The following TRIM32 variants were observed in gnomAD, a reference collection of about 807,000 sequenced individuals.
The protein encoded by TRIM32 is E3 ubiquitin-protein ligase TRIM32.
TRIM32 carries 19 observed loss-of-function variants against 36.0 expected under a neutral mutation model. The ratio of observed to expected loss-of-function variants is 0.53; its 90% CI spans 0.37 to 0.77. The LOEUF (loss-of-function observed/expected upper bound fraction) is 0.77, where lower values mean the gene tolerates loss of function less well. Ranked by LOEUF, TRIM32 falls within the 30% of genes least tolerant of loss-of-function variation. The pLI, the probability that TRIM32 is intolerant of heterozygous loss-of-function variation, is 0.00. For synonymous variants in TRIM32, 309 were observed against 318.5 expected (o/e 0.97, Z 0.32); for missense variants, 747 against 845.2 (o/e 0.88, Z 1.44).
In TRIM32 at chr9:116,687,364, G is replaced by A. The variant is rs1860301199; in HGVS notation, c.-99G>A. 1.6e-6 allele frequency: 1 copy of A among 644,092 alleles called. No homozygotes were observed. Among genetic ancestry groups the A allele is most frequent in the Non-Finnish European group, 1.9e-6 (1 of 518,768 alleles). The allele number at this position is 644,092 out of a possible 1,614,324, so 39.9% of individuals were successfully genotyped here. A position where few individuals can be genotyped will look rare whatever the true frequency, so the allele number is the denominator to read the frequency against. On this transcript the variant is annotated 5_prime_UTR_variant, in exon 1 of 2. Coordinates refer to ENST00000450136, the MANE Select transcript of TRIM32 (RefSeq NM_012210.4). Reference sequence around the variant, plus strand: ...GTGGGCTGCCGGCGGTGGACTCGTCGGAGCCGCGGGCGGTCAGGTAGGGGG... The same window carrying A: ...GTGGGCTGCCGGCGGTGGACTCGTCAGAGCCGCGGGCGGTCAGGTAGGGGG...
At chr9:116,689,195 CAAGTCCTAGCTCTATCTCTTCCTGACTTT>C (rs1421361336) in intron 1 of TRIM32, among the ~76,000 whole-genome samples, 6 of 152,306 alleles carry the variant, frequency 3.9e-5, no homozygotes, top group Admixed American at 6.5e-5. Flanking sequence ...ACCCTGGGTT[CAAGTCCTAGCTCTATCTCTTCCTGACTTT>C]AAGTCCTAGC....
Position 116,698,806 on chromosome 9 carries a change from G to A in TRIM32, c.1064G>A (p.Cys355Tyr). 1 of 1,614,178 alleles carries A rather than the reference G, an allele frequency of 6.2e-7. No individual in the cohort carries two copies. The highest frequency in any genetic ancestry group is 8.5e-7 in the Non-Finnish European group (1 of 1,180,038). The change falls in exon 2 of 2, where the codon TGC becomes TAC. Residue 355 changes from cysteine (C) to tyrosine (Y), a missense_variant. Transcript: ENST00000450136. This position sits in a 1 kb window ranked among gnomAD's most constrained non-coding sequence, Gnocchi z 4.4. ...GPEAASNIQQ[C>Y]LFLKKMGAKG... Reference sequence around the variant, plus strand: ...GAGGCAGCCTCCAATATCCAGCAGTGCCTCTTTCTCAAGAAGATGGGGGCC... The same window carrying A: ...GAGGCAGCCTCCAATATCCAGCAGTACCTCTTTCTCAAGAAGATGGGGGCC...
chr9:116,698,203 C>T lies in TRIM32; in HGVS notation c.461C>T (p.Thr154Ile), dbSNP rs781758209. The change falls in exon 2 of 2, where the codon ACT becomes ATT. Residue 154 changes from threonine to isoleucine, a missense_variant. Transcript: ENST00000450136. The surrounding 1 kb of genome is among the most constrained non-coding windows in gnomAD (Gnocchi z 4.4). ...CGTCGGGACTTTGGAGAGAAGTTAA[C>T]TCGTCTGCGGGAACTTATGGGGGAG... ...ERRRDFGEKL[T>I]RLRELMGELQ... The T allele has an allele frequency of 6.2e-7, 1 of 1,614,146 alleles. No individual in the cohort carries two copies. Among genetic ancestry groups the T allele is most frequent in the South Asian group, 1.1e-5 (1 of 91,084 alleles).
At position 116,696,923 on chromosome 9, in the gene TRIM32, A is replaced by G. The variant is rs1860884561; in HGVS notation, c.-81-739A>G. On this transcript the variant is annotated intron_variant, in intron 1 of 1. Transcript: ENST00000450136. ...GTGGATGATTCCTAGGCCCCCAAAC[A>G]TGACACAATAAACTCTGTGACATGA... is the stretch of plus-strand genomic sequence containing the variant. Among the ~76,000 whole-genome samples, 3 of 149,314 alleles carry G rather than the reference A, an allele frequency of 2.0e-5. No homozygotes were observed. The South Asian group carries it at 6.5e-4, about 32-fold the overall frequency.
intron 1 of TRIM32, among the ~76,000 whole-genome samples, chr9:116,695,105 G>C (rs992027970): frequency 6.6e-6 from 1 of 152,110 alleles, no homozygotes; most frequent in Non-Finnish European, 1.5e-5. Context: ...GTTAATCATT[G>C]TTATGTGACA....
At position 116,697,693 on chromosome 9, in the gene TRIM32, G is replaced by A. The variant is rs777921394; in HGVS notation, c.-50G>A. ...TTTGACCCTCTAGGGCATGAATACT[G>A]TGCTGTTCAGTTCTGAGCTGTGCTA... On this transcript the variant is annotated 5_prime_UTR_variant, in exon 2 of 2. In the 5' UTR this introduces an upstream ATG that the reference lacks. Transcript: ENST00000450136. 11 of 1,610,678 alleles carry A rather than the reference G, an allele frequency of 6.8e-6. No individual in the cohort carries two copies. Among genetic ancestry groups the A allele is most frequent in the Non-Finnish European group, 9.3e-6 (11 of 1,179,346 alleles).
At chr9:116,694,263 T>C in intron 1 of TRIM32, among the ~76,000 whole-genome samples, 1 of 152,132 alleles carries the variant, frequency 6.6e-6, no homozygotes, top group East Asian at 1.9e-4. Flanking sequence ...TTTTTACAAG[T>C]TGGCAGCCTT....
In TRIM32 at chr9:116,687,359, T is replaced by G; in HGVS notation, c.-104T>G. On this transcript the variant is annotated 5_prime_UTR_variant, in exon 1 of 2. Coordinates refer to ENST00000450136, the MANE Select transcript of TRIM32 (RefSeq NM_012210.4). Reference sequence around the variant, plus strand: ...GGCGGGTGGGCTGCCGGCGGTGGACTCGTCGGAGCCGCGGGCGGTCAGGTA... The same window carrying G: ...GGCGGGTGGGCTGCCGGCGGTGGACGCGTCGGAGCCGCGGGCGGTCAGGTA... The G allele has an allele frequency of 1.6e-6, 1 of 608,140 alleles. No individual in the cohort carries two copies. The highest frequency in any genetic ancestry group is 7.5e-5 in the South Asian group (1 of 13,420). 37.7% of individuals were successfully genotyped at this position (608,140 alleles called of 1,614,324 possible). A position where few individuals can be genotyped will look rare whatever the true frequency, so the allele number is the denominator to read the frequency against.
At chr9:116,688,391 G>A (rs1860383070) in intron 1 of TRIM32, among the ~76,000 whole-genome samples, 1 of 151,990 alleles carries the variant, frequency 6.6e-6, no homozygotes, top group Admixed American at 6.6e-5. Context: ...TCCTTAAATC[G>A]CTGCATGGGA....
In TRIM32 at chr9:116,698,344, GCT is replaced by G. The variant is rs2132072315; in HGVS notation, c.606_607del (p.Arg203GlufsTer9). 1 of 1,614,122 alleles carries G rather than the reference GCT, an allele frequency of 6.2e-7. No individual in the cohort carries two copies. The highest frequency in any genetic ancestry group is 1.7e-5 in the Admixed American group (1 of 60,032). ...CGCAGGGTCCAGGATGAGCTGGCTCGCTCTCGGAAGTTCTTCACAGGCTCTTT... is the reference window on the plus strand; with the variant it reads ...CGCAGGGTCCAGGATGAGCTGGCTCGCTCGGAAGTTCTTCACAGGCTCTTT... On this transcript the variant is annotated frameshift_variant, in exon 2 of 2. Coordinates refer to ENST00000450136, the MANE Select transcript of TRIM32 (RefSeq NM_012210.4). LOFTEE classifies it high-confidence loss of function. This position sits in a 1 kb window ranked among gnomAD's most constrained non-coding sequence, Gnocchi z 4.4.
At chr9:116,693,582 G>A (rs1468879826) in intron 1 of TRIM32, among the ~76,000 whole-genome samples, 2 of 152,038 alleles carry the variant, frequency 1.3e-5, no homozygotes, top group Middle Eastern at 3.2e-3. Context: ...AAGGGATGTG[G>A]GAAGATGGTA....
At chr9:116,691,015 G>C (rs1860539416) in intron 1 of TRIM32, among the ~76,000 whole-genome samples, 1 of 152,194 alleles carries the variant, frequency 6.6e-6, no homozygotes, top group African/African-American at 2.4e-5. Flanking sequence ...AACCTCCTAG[G>C]CTCAAGTGAT....
chr9:116,697,158 T>C lies in TRIM32; in HGVS notation c.-81-504T>C, dbSNP rs1588213895. Among the ~76,000 whole-genome samples the C allele has an allele frequency of 2.0e-5, 3 of 152,306 alleles. No homozygotes were observed. In the East Asian group the frequency reaches 5.8e-4, roughly 29 times the overall value. On this transcript the variant is annotated intron_variant, in intron 1 of 1. Transcript: ENST00000450136. ...TATGTGGACTTGCATGTTATACTTA[T>C]TCCTTTTACTGTGCATAATTCTCCT...
rs1419322089 is a variant in TRIM32 at position 116,699,644 on chromosome 9, C to T, written c.1902C>T (p.Asp634=). ...LTPKGQLLVL[D]CWDHCIKIYS... ...CTAAGGGGCAGCTGCTGGTCTTGGA[C>T]TGTTGGGATCATTGCATCAAGATCT... The change falls in exon 2 of 2, where the codon GAC becomes GAT. Residue 634 remains aspartate, a synonymous_variant. Coordinates refer to ENST00000450136, the MANE Select transcript of TRIM32 (RefSeq NM_012210.4). The surrounding 1 kb of genome is among the most constrained non-coding windows in gnomAD (Gnocchi z 4.2). The T allele has an allele frequency of 2.5e-6, 4 of 1,614,030 alleles. No homozygotes were observed. Among genetic ancestry groups the T allele is most frequent in the African/African-American group, 2.7e-5 (2 of 74,908 alleles).
chr9:116,699,538 T>C lies in TRIM32; in HGVS notation c.1796T>C (p.Ile599Thr). The change falls in exon 2 of 2, where the codon ATT becomes ACT. Residue 599 changes from isoleucine (I) to threonine (T), a missense_variant. Coordinates refer to ENST00000450136, the MANE Select transcript of TRIM32 (RefSeq NM_012210.4). The surrounding 1 kb of genome is among the most constrained non-coding windows in gnomAD (Gnocchi z 4.2). Reference sequence around the variant, plus strand: ...GTGGCTGACAGTAGTCGCAAGGAAATTCTCCATTTTCCTAAGGGTGGGGGC... The same window carrying C: ...GTGGCTGACAGTAGTCGCAAGGAAACTCTCCATTTTCCTAAGGGTGGGGGC... The part of the protein sequence containing the change: ...LIVADSSRKE[I>T]LHFPKGGGYS... 1 of 1,614,184 alleles carries C rather than the reference T, an allele frequency of 6.2e-7. No individual in the cohort carries two copies. The highest frequency in any genetic ancestry group is 2.2e-5 in the East Asian group (1 of 44,880).
At position 116,698,910 on chromosome 9, in the gene TRIM32, C is replaced by G; in HGVS notation, c.1168C>G (p.Arg390Gly). The part of the protein sequence containing the change: ...TSQGEVLVAD[R>G]GNYRIQVFTR... Reference sequence around the variant, plus strand: ...TCAAGGTGAAGTACTAGTCGCTGACCGTGGTAACTATCGTATACAAGTCTT... The same window carrying G: ...TCAAGGTGAAGTACTAGTCGCTGACGGTGGTAACTATCGTATACAAGTCTT... Residue 390 changes from arginine to glycine, a missense_variant, in exon 2 of 2, where the codon CGT becomes GGT. Arg to Gly is a moderately radical substitution (Grantham distance 125). Transcript: ENST00000450136. The surrounding 1 kb of genome is among the most constrained non-coding windows in gnomAD (Gnocchi z 4.4). 1.9e-6 allele frequency: 3 copies of G among 1,614,202 alleles called. No homozygotes were observed. The highest frequency in any genetic ancestry group is 1.1e-5 in the South Asian group (1 of 91,074).
Position 116,698,926 on chromosome 9 carries a change from T to C in TRIM32, c.1184T>C (p.Ile395Thr). Residue 395 changes from isoleucine to threonine, a missense_variant, in exon 2 of 2, where the codon ATA becomes ACA. Ile to Thr is a moderately conservative substitution (Grantham distance 89). Coordinates refer to ENST00000450136, the MANE Select transcript of TRIM32 (RefSeq NM_012210.4). The surrounding 1 kb of genome is among the most constrained non-coding windows in gnomAD (Gnocchi z 4.4). ...GTCGCTGACCGTGGTAACTATCGTA[T>C]ACAAGTCTTTACCCGCAAAGGCTTT... ...VLVADRGNYR[I>T]QVFTRKGFLK... 1 of 1,614,224 alleles carries C rather than the reference T, an allele frequency of 6.2e-7. No homozygotes were observed. The highest frequency in any genetic ancestry group is 8.5e-7 in the Non-Finnish European group (1 of 1,180,042).
Position 116,698,094 on chromosome 9 carries a change from G to C in TRIM32, c.352G>C (p.Val118Leu). ...PRQFCRSCGL[V>L]LCEPCREADH... ...GCAATTCTGCCGGAGCTGTGGTTTG[G>C]TGTTATGTGAGCCCTGCCGGGAGGC... is the stretch of plus-strand genomic sequence containing the variant. Residue 118 changes from valine to leucine, a missense_variant, in exon 2 of 2, where the codon GTG becomes CTG. Physicochemically the swap from Val to Leu is conservative, Grantham distance 32. Transcript: ENST00000450136. The surrounding 1 kb of genome is among the most constrained non-coding windows in gnomAD (Gnocchi z 4.4). The C allele has an allele frequency of 3.1e-6, 5 of 1,614,136 alleles. No homozygotes were observed. Among genetic ancestry groups the C allele is most frequent in the Non-Finnish European group, 3.4e-6 (4 of 1,180,046 alleles).
Position 116,697,720 on chromosome 9 carries a change from C to T in TRIM32, c.-23C>T. On this transcript the variant is annotated 5_prime_UTR_variant, in exon 2 of 2. Transcript: ENST00000450136. ...GCTGTTCAGTTCTGAGCTGTGCTAG[C>T]AATACCCTTCAAAGGAAGAGCAATG... 6.2e-7 allele frequency: 1 copy of T among 1,613,352 alleles called. No individual in the cohort carries two copies. The highest frequency in any genetic ancestry group is 8.5e-7 in the Non-Finnish European group (1 of 1,180,020).
Sources: allele counts gnomAD v4.1 joint callset (sites outside exome capture counted in the v4.1 genomes callset), GRCh38; gene constraint gnomAD v4.1.1; non-coding constraint Gnocchi (gnomAD v3.1); transcripts MANE v1.5; gene names NCBI Gene and HGNC (gene_info 2026-07-23, HGNC 2026-07-21).